PTGER4: variants seen among roughly 807,000 people sequenced by gnomAD.
PTGER4 encodes the protein prostaglandin E2 receptor EP4 subtype.
PTGER4 carries 11 observed loss-of-function variants against 33.2 expected under a neutral mutation model. The ratio of observed to expected loss-of-function variants is 0.33; its 90% CI spans 0.21 to 0.55. The LOEUF (loss-of-function observed/expected upper bound fraction) is 0.55. Among genes scored for constraint, PTGER4 ranks in the 20% least tolerant of loss-of-function variants. The probability of loss-of-function intolerance (pLI) is 0.92; values close to 1 mark genes in which losing one functional copy is unlikely to be tolerated. For missense variants in PTGER4, 481 were observed against 650.2 expected, an observed-to-expected ratio of 0.74 and a Z score of 2.83; for synonymous variants, 275 against 281.5, an observed-to-expected ratio of 0.98 and a Z score of 0.23.
the PTGER4 span, chr5:40,716,260 A>ACTGT: frequency 6.2e-7 from 1 of 1,614,220 alleles, no homozygotes; most frequent in Non-Finnish European, 8.5e-7. Context: ...ATTTGCTGAA[A>ACTGT]CTGTCTTCTC....
At chr5:40,739,916 GA>G in the PTGER4 span, among the ~76,000 whole-genome samples, 1 of 151,904 alleles carries the variant, frequency 6.6e-6, no homozygotes, top group African/African-American at 2.4e-5. Flanking sequence ...TTAGATTTGG[GA>G]ATAATACTAC....
the PTGER4 span, among the ~76,000 whole-genome samples, chr5:40,702,644 C>T: frequency 4.6e-5 from 7 of 152,322 alleles, no homozygotes; most frequent in East Asian, 1.3e-3. Flanking sequence ...GACCTAAATT[C>T]AGCACTGGAC....
At chr5:40,734,850 A>C in the PTGER4 span, among the ~76,000 whole-genome samples, 1 of 152,250 alleles carries the variant, frequency 6.6e-6, no homozygotes, top group Non-Finnish European at 1.5e-5. Flanking sequence ...ACAGGGAAAG[A>C]AAGATAACAA....
At chr5:40,718,206 A>G in the PTGER4 span, among the ~76,000 whole-genome samples, 5 of 151,720 alleles carry the variant, frequency 3.3e-5, no homozygotes, top group Non-Finnish European at 7.4e-5. Context: ...GGATCACTCA[A>G]GACCAGGAGT....
At chr5:40,717,677 G>C in the PTGER4 span, among the ~76,000 whole-genome samples, 1 of 152,214 alleles carries the variant, frequency 6.6e-6, no homozygotes, top group Non-Finnish European at 1.5e-5. Flanking sequence ...CTCCAAGTGA[G>C]AATCATTGGT....
the PTGER4 span, chr5:40,730,428 A>G: frequency 9.4e-7 from 1 of 1,067,486 alleles, no homozygotes; most frequent in Non-Finnish European, 1.4e-6. Context: ...GTAGTAAAAT[A>G]TAAAATTTAC....
chr5:40,737,006 C>T, the PTGER4 span, among the ~76,000 whole-genome samples: 1 of 152,028 alleles, frequency 6.6e-6, no homozygotes, highest in Non-Finnish European at 1.5e-5. Flanking sequence ...AATTTAAAAG[C>T]CACTCAAGGT....
the PTGER4 span, chr5:40,716,354 T>A: frequency 6.2e-7 from 1 of 1,614,204 alleles, no homozygotes; most frequent in Non-Finnish European, 8.5e-7. Flanking sequence ...GAAAAGTGTG[T>A]TACTTCAGCT....
the PTGER4 span, among the ~76,000 whole-genome samples, chr5:40,729,579 C>T: frequency 6.6e-6 from 1 of 152,184 alleles, no homozygotes; most frequent in Non-Finnish European, 1.5e-5. Flanking sequence ...ATCTAGAACC[C>T]AATCCATCCT....
chr5:40,700,794 T>C, the PTGER4 span, among the ~76,000 whole-genome samples: 5 of 152,096 alleles, frequency 3.3e-5, no homozygotes, highest in Non-Finnish European at 5.9e-5. Flanking sequence ...TTCAGAGCAC[T>C]GAAAGGGAAC....
chr5:40,736,416 A>G, the PTGER4 span, among the ~76,000 whole-genome samples: 1 of 152,252 alleles, frequency 6.6e-6, no homozygotes, highest in African/African-American at 2.4e-5. Flanking sequence ...TTCCTGCTTC[A>G]TACACATACA....
the PTGER4 span, among the ~76,000 whole-genome samples, chr5:40,739,137 A>G: frequency 0.69 from 104,804 of 152,078 alleles, 36,154 homozygotes; most frequent in East Asian, 0.8. Flanking sequence ...CTAGTACTAT[A>G]AAGGTATAAC....
chr5:40,682,719 A>G (rs1741230422), intron 2 of PTGER4, among the ~76,000 whole-genome samples: 1 of 152,206 alleles, frequency 6.6e-6, no homozygotes, highest in Non-Finnish European at 1.5e-5. Flanking sequence ...CGAGGTTTAG[A>G]GATGGCTGTC....
In PTGER4 at chr5:40,691,856, C is replaced by A; in HGVS notation, c.945C>A (p.Ile315=). The change falls in exon 3 of 3, where the codon ATC becomes ATA. Residue 315 remains isoleucine, a synonymous_variant. Coordinates refer to ENST00000302472, the MANE Select transcript of PTGER4 (RefSeq NM_000958.3). The surrounding 1 kb of genome is among the most constrained non-coding windows in gnomAD (Gnocchi z 4.2). The stretch of plus-strand genomic sequence containing the variant: ...GTAAAAATCCAGATTTGCAGGCCAT[C>A]CGAATTGCTTCTGTGAACCCCATCC... ...EVSKNPDLQA[I]RIASVNPILD... The A allele has an allele frequency of 6.2e-7, 1 of 1,614,212 alleles. No individual in the cohort carries two copies. The highest frequency in any genetic ancestry group is 8.5e-7 in the Non-Finnish European group (1 of 1,180,034).
chr5:40,727,387 T>C, the PTGER4 span, among the ~76,000 whole-genome samples: 31 of 152,332 alleles, frequency 2.0e-4, no homozygotes, highest in Non-Finnish European at 4.1e-4. Context: ...CAGGTGTATA[T>C]AGCCCTGCCA....
the PTGER4 span, among the ~76,000 whole-genome samples, chr5:40,701,780 G>A: frequency 6.6e-6 from 1 of 152,122 alleles, no homozygotes; most frequent in Non-Finnish European, 1.5e-5. Flanking sequence ...GGCAGACAGA[G>A]AGACAGTGCA....
chr5:40,721,552 G>A, the PTGER4 span, among the ~76,000 whole-genome samples: 33 of 152,064 alleles, frequency 2.2e-4, no homozygotes, highest in African/African-American at 3.4e-4. Context: ...CCGGATATCC[G>A]CGTGCAAAAG....
the PTGER4 span, chr5:40,728,506 T>C: frequency 1.3e-6 from 2 of 1,557,588 alleles, no homozygotes; most frequent in South Asian, 1.2e-5. Flanking sequence ...AAAAAATCTG[T>C]CAGTAATATT....
the PTGER4 span, chr5:40,715,036 T>C: frequency 6.6e-6 from 1 of 152,098 alleles, no homozygotes; most frequent in Non-Finnish European, 1.5e-5. Context: ...TTTTTTAATA[T>C]AGCCTTTTCA....
Sources: allele counts gnomAD v4.1 joint callset (sites outside exome capture counted in the v4.1 genomes callset), GRCh38; gene constraint gnomAD v4.1.1; non-coding constraint Gnocchi (gnomAD v3.1); transcripts MANE v1.5; gene names NCBI Gene and HGNC (gene_info 2026-07-23, HGNC 2026-07-21).